Variants in CNGB3 observed in about 807,000 individuals in gnomAD.
CNGB3 encodes the protein cyclic nucleotide-gated channel beta-3.
CNGB3 carries 86 observed loss-of-function variants against 92.8 expected under a neutral mutation model. The observed-to-expected ratio is 0.93, with a 90% CI of 0.78 to 1.11. The LOEUF (loss-of-function observed/expected upper bound fraction) is 1.11. Among genes scored for constraint, CNGB3 ranks in the 50% least tolerant of loss-of-function variants. The probability of loss-of-function intolerance (pLI) is 0.00; values close to 1 mark genes in which losing one functional copy is unlikely to be tolerated. For missense variants in CNGB3, 1,026 were observed against 956.8 expected (o/e 1.07, Z -0.95); for synonymous variants, 333 against 332.7 (o/e 1.00, Z -0.01).
At chr8:86,635,749 A>T (rs1191484863) in intron 10 of CNGB3, among the ~76,000 whole-genome samples, 2 of 147,946 alleles carry the variant, frequency 1.4e-5, no homozygotes, top group African/African-American at 2.5e-5. Flanking sequence ...TTTCAAAGAG[A>T]TTCTATCTGG....
At chr8:86,594,541 AG>A in intron 15 of CNGB3, 1 of 335,620 alleles carries the variant, frequency 3.0e-6, no homozygotes, top group African/African-American at 2.2e-5. Context: ...GGTCCACTTC[AG>A]GTCGGTAGAC....
At chr8:86,651,159 G>A (rs541121247) in intron 7 of CNGB3, among the ~76,000 whole-genome samples, 2 of 151,404 alleles carry the variant, frequency 1.3e-5, no homozygotes. Context: ...AGACCAGAAG[G>A]GGGGGTGTGT....
chr8:86,743,311 A>G (rs561529922), intron 1 of CNGB3, among the ~76,000 whole-genome samples, 188 bp downstream of exon 1: 4 of 152,336 alleles, frequency 2.6e-5, no homozygotes, highest in Admixed American at 1.3e-4. Context: ...CTAAACATTT[A>G]TTATTCTTTT....
intron 3 of CNGB3, among the ~76,000 whole-genome samples, chr8:86,709,317 T>G (rs902895357): frequency 6.6e-6 from 1 of 152,174 alleles, no homozygotes; most frequent in African/African-American, 2.4e-5. Flanking sequence ...TGTACCTATT[T>G]TGTCAACTTG....
In CNGB3 at chr8:86,587,848, A is replaced by G. The variant is rs562133164; in HGVS notation, c.1782-8596T>C. On this transcript the variant is annotated intron_variant, in intron 15 of 17. Transcript: ENST00000320005. ...TCTTTTTTGGTTCCATATGAACTTT[A>G]AAGTAGTATTTTCCAATTCTGTGAT... Among the ~76,000 whole-genome samples, 14 of 152,190 alleles carry G rather than the reference A, an allele frequency of 9.2e-5. No individual in the cohort carries two copies. The East Asian group carries it at 2.1e-3, about 23-fold the overall frequency.
chr8:86,648,138 T>G (rs1371655213), intron 7 of CNGB3, among the ~76,000 whole-genome samples: 3 of 151,148 alleles, frequency 2.0e-5, no homozygotes, highest in African/African-American at 7.3e-5. Context: ...GGCGTTGCAT[T>G]TACTGGGATT....
At chr8:86,701,718 A>G (rs1366966870) in intron 3 of CNGB3, among the ~76,000 whole-genome samples, 1 of 152,070 alleles carries the variant, frequency 6.6e-6, no homozygotes. Flanking sequence ...ATACTATCTC[A>G]TGGTAGATTT....
intron 10 of CNGB3, among the ~76,000 whole-genome samples, chr8:86,639,121 C>T (rs1195656936): frequency 2.6e-5 from 4 of 151,932 alleles, no homozygotes; most frequent in African/African-American, 9.7e-5. Context: ...CTTACATCAA[C>T]TAAAGTCAAT....
chr8:86,595,874 C>T (rs74916040), intron 15 of CNGB3, among the ~76,000 whole-genome samples: 1,801 of 152,216 alleles, frequency 0.012, 48 homozygotes, highest in South Asian at 0.081. Context: ...CAAAATATTT[C>T]GCCATTTCAC....
intron 3 of CNGB3, among the ~76,000 whole-genome samples, chr8:86,689,481 C>A (rs994249749): frequency 6.6e-6 from 1 of 150,444 alleles, no homozygotes; most frequent in Non-Finnish European, 1.5e-5. Flanking sequence ...CATATATATA[C>A]ACACACACAA....
chr8:86,688,868 T>C, intron 3 of CNGB3, among the ~76,000 whole-genome samples: 1 of 152,026 alleles, frequency 6.6e-6, no homozygotes, highest in East Asian at 1.9e-4. Flanking sequence ...CTTGCTTCTC[T>C]TGTTCTTTAA....
intron 15 of CNGB3, among the ~76,000 whole-genome samples, chr8:86,602,028 A>G (rs1822314151): frequency 6.6e-6 from 1 of 152,248 alleles, no homozygotes; most frequent in Admixed American, 6.5e-5. Context: ...ACATACTTGT[A>G]TTTATAAAGC....
intron 3 of CNGB3, among the ~76,000 whole-genome samples, chr8:86,713,514 G>A (rs1036032790): frequency 2.6e-5 from 4 of 152,092 alleles, no homozygotes; most frequent in South Asian, 2.1e-4. Context: ...CTACTGTGAT[G>A]TTCAAATATA....
chr8:86,737,164 A>C (rs977599505), intron 2 of CNGB3, among the ~76,000 whole-genome samples: 6 of 152,342 alleles, frequency 3.9e-5, no homozygotes, highest in Middle Eastern at 3.4e-3. Flanking sequence ...TAATCTGCAT[A>C]GTGAAAAAAC....
At chr8:86,704,534 A>C (rs2131650331) in intron 3 of CNGB3, 1 of 152,296 alleles carries the variant, frequency 6.6e-6, no homozygotes, top group South Asian at 2.1e-4. Context: ...TGTTTTTCCC[A>C]CTTCTCTTAA....
Position 86,611,673 on chromosome 8 carries a change from T to A in CNGB3, c.1579-2A>T. On this transcript the variant is annotated splice_acceptor_variant, in intron 13 of 17. Transcript: ENST00000320005. LOFTEE classifies it high-confidence loss of function. ...ATAAATCATCTGTGTATCACAACCC[T>A]ATATAAAAAGAAAAATAATTCTTAT... 6.2e-7 allele frequency: 1 copy of A among 1,602,312 alleles called. No homozygotes were observed. Among genetic ancestry groups the A allele is most frequent in the Non-Finnish European group, 8.5e-7 (1 of 1,169,782 alleles).
intron 3 of CNGB3, among the ~76,000 whole-genome samples, chr8:86,716,182 C>T (rs1341303838): frequency 1.3e-5 from 2 of 151,896 alleles, no homozygotes; most frequent in Non-Finnish European, 2.9e-5. Flanking sequence ...CAAAGGAAAA[C>T]AGAATACAAA....
chr8:86,730,056 AT>A (rs2131674993), intron 2 of CNGB3, among the ~76,000 whole-genome samples: 2 of 152,268 alleles, frequency 1.3e-5, no homozygotes, highest in Non-Finnish European at 2.9e-5. Flanking sequence ...CCTTTACTGA[AT>A]GTGCAAAAAA....
At chr8:86,702,148 G>A (rs958357204) in intron 3 of CNGB3, among the ~76,000 whole-genome samples, 2 of 152,132 alleles carry the variant, frequency 1.3e-5, no homozygotes, top group African/African-American at 4.8e-5. Flanking sequence ...CTACTTTTAA[G>A]GCATTAAGAG....
Sources: allele counts gnomAD v4.1 joint callset (sites outside exome capture counted in the v4.1 genomes callset), GRCh38; gene constraint gnomAD v4.1.1; transcripts MANE v1.5; gene names NCBI Gene and HGNC (gene_info 2026-07-23, HGNC 2026-07-21).